Variants in LRRC41 observed in about 807,000 individuals in gnomAD.
The protein encoded by LRRC41 is leucine-rich repeat-containing protein 41.
In LRRC41, 17 loss-of-function variants were observed where a neutral mutation model predicts 72.1. That is an observed-to-expected ratio of 0.24 (90% CI 0.16 to 0.35). The LOEUF (loss-of-function observed/expected upper bound fraction) is 0.35, where lower values mean the gene tolerates loss of function less well. LRRC41 is among the 10% of genes least tolerant of loss of function. The pLI is 1.00. For synonymous variants in LRRC41, 427 were observed against 431.0 expected (o/e 0.99, Z 0.11); for missense variants, 759 against 1,065.0 (o/e 0.71, Z 4.00).
intron 3 of LRRC41, among the ~76,000 whole-genome samples, chr1:46,289,089 ATAGGT>A (rs1660946389): frequency 6.6e-6 from 1 of 152,328 alleles, no homozygotes; most frequent in African/African-American, 2.4e-5. Context: ...CAGGGGAAAT[ATAGGT>A]TAGATAGGTA....
At position 46,278,037 on chromosome 1, in the gene LRRC41, T is replaced by C. The variant is rs1180425764; in HGVS notation, c.*828A>G. 6.2e-7 allele frequency: 1 copy of C among 1,614,008 alleles called. No individual in the cohort carries two copies. Among genetic ancestry groups the C allele is most frequent in the Non-Finnish European group, 8.5e-7 (1 of 1,179,980 alleles). On this transcript the variant is annotated 3_prime_UTR_variant, in exon 10 of 10. Transcript: ENST00000617190. ...CTACCCACACAGTAGGGAGATGGGATCTGTAGTGACTTCAGCTGTGCCTTC... is the reference window on the plus strand; with the variant it reads ...CTACCCACACAGTAGGGAGATGGGACCTGTAGTGACTTCAGCTGTGCCTTC...
chr1:46,286,086 C>T lies in LRRC41; in HGVS notation c.771G>A (p.Gly257=). ...AGAGGCGGCAGGGTGGGCCACCAGG[C>T]CCTGGTTGCCAGAAGCCAGCACTCA... The part of the protein sequence containing the change: ...LTMSAGFWQP[G]PGGPPCRLCG... Residue 257 remains glycine (G), a synonymous_variant, in exon 4 of 10, where the codon GGG becomes GGA. Transcript: ENST00000617190. This position sits in a 1 kb window ranked among gnomAD's most constrained non-coding sequence, Gnocchi z 5.5. 1.2e-6 allele frequency: 2 copies of T among 1,611,310 alleles called. No individual in the cohort carries two copies. The highest frequency in any genetic ancestry group is 1.7e-5 in the Admixed American group (1 of 59,976).
intron 4 of LRRC41, among the ~76,000 whole-genome samples, chr1:46,283,428 G>A (rs775997188): frequency 2.6e-5 from 4 of 152,134 alleles, no homozygotes; most frequent in African/African-American, 4.8e-5. Flanking sequence ...AGACCAGCCC[G>A]GCCTATATGG....
At position 46,303,225 on chromosome 1, in the gene LRRC41, G is replaced by T; in HGVS notation, c.98C>A (p.Ala33Glu). The T allele has an allele frequency of 6.4e-7, 1 of 1,560,548 alleles. No homozygotes were observed. The change falls in exon 1 of 10, where the codon GCG becomes GAG. Residue 33 changes from alanine to glutamate, a missense_variant. By Grantham distance (107) the Ala-to-Glu change is moderately radical. Transcript: ENST00000617190. Reference sequence around the variant, plus strand: ...GTTGGGGCCCGAGGCCGAGCTCTTCGCTGGCGCCGCCTCCCGGGACGTGGC... The same window carrying T: ...GTTGGGGCCCGAGGCCGAGCTCTTCTCTGGCGCCGCCTCCCGGGACGTGGC... ...MEATSREAAP[A>E]KSSASGPNAP...
rs1660728546 is a variant in LRRC41 at position 46,279,667 on chromosome 1, CCCCTCCTGCCCCAG to C, written c.2021-67_2021-54del. On this transcript the variant is annotated intron_variant, in intron 7 of 9. Transcript: ENST00000617190. This position sits in a 1 kb window ranked among gnomAD's most constrained non-coding sequence, Gnocchi z 4.5. ...GATGGCTGCATTAGGACTGGTGCTG[CCCCTCCTGCCCCAG>C]TTGGCCCTAGCAAGGGGTATTAACA... The C allele has an allele frequency of 1.2e-6, 2 of 1,608,896 alleles. No individual in the cohort carries two copies. The highest frequency in any genetic ancestry group is 4.5e-5 in the East Asian group (2 of 44,834).
chr1:46,292,240 CAG>C (rs1026593579), intron 3 of LRRC41, among the ~76,000 whole-genome samples: 1 of 149,460 alleles, frequency 6.7e-6, no homozygotes, highest in African/African-American at 2.5e-5. Context: ...GCCTGGGTGA[CAG>C]AGAGAGACTC....
At chr1:46,280,135 A>C in intron 7 of LRRC41, 57 bp downstream of exon 7, 1 of 1,323,656 alleles carries the variant, frequency 7.6e-7, no homozygotes, top group East Asian at 2.3e-5. Context: ...CACTCAGATT[A>C]TGGCAGAACC....
rs1381089578 is a variant in LRRC41, at chr1:46,278,154, T to TGGAAC, written c.*706_*710dup. The TGGAAC allele has an allele frequency of 6.2e-7, 1 of 1,613,670 alleles. No homozygotes were observed. The highest frequency in any genetic ancestry group is 1.3e-5 in the African/African-American group (1 of 75,036). On this transcript the variant is annotated 3_prime_UTR_variant, in exon 10 of 10. Transcript: ENST00000617190. ...TGACTGCACTTCAGACCTGGCAGGG[T>TGGAAC]GGAACCACTGCACTGATAAGTGGGG...
chr1:46,292,035 CG>C (rs894868501), intron 3 of LRRC41, among the ~76,000 whole-genome samples: 8 of 151,850 alleles, frequency 5.3e-5, no homozygotes, highest in African/African-American at 1.9e-4. Flanking sequence ...TATTGCAGGC[CG>C]GCCACAGTGG....
Position 46,285,831 on chromosome 1 carries a change from C to T in LRRC41, c.1026G>A (p.Leu342=). The part of the protein sequence containing the change: ...TAGGTDLKRE[L]HPPATSHEAP... ...CCTCATGGGAGGTGGCTGGGGGGTG[C>T]AGCTCCCTCTTAAGGTCTGTTCCGC... is the stretch of plus-strand genomic sequence containing the variant. The change falls in exon 4 of 10, where the codon CTG becomes CTA. Residue 342 remains leucine, a synonymous_variant. Transcript: ENST00000617190. This position sits in a 1 kb window ranked among gnomAD's most constrained non-coding sequence, Gnocchi z 5.3. 1.9e-6 allele frequency: 3 copies of T among 1,593,614 alleles called. No homozygotes were observed. Among genetic ancestry groups the T allele is most frequent in the Non-Finnish European group, 2.6e-6 (3 of 1,171,406 alleles).
rs142320961 is a variant in LRRC41 at position 46,285,991 on chromosome 1, G to A, written c.866C>T (p.Pro289Leu). The A allele has an allele frequency of 5.5e-5, 85 of 1,548,598 alleles. No individual in the cohort carries two copies. The highest frequency in any genetic ancestry group is 1.7e-4 in the South Asian group (14 of 81,078). ...ACATCGCTCAGCAGCATCCCGGCGG[G>A]GCCGACGTGAGCCCAATAAGAGGGA... is the stretch of plus-strand genomic sequence containing the variant. ...EGSLLLGSRR[P>L]RRDAAERCAA... Residue 289 changes from proline to leucine, a missense_variant, in exon 4 of 10, where the codon CCC becomes CTC. Pro to Leu is a moderately conservative substitution (Grantham distance 98). Coordinates refer to ENST00000617190, the MANE Select transcript of LRRC41 (RefSeq NM_006369.5). The surrounding 1 kb of genome is among the most constrained non-coding windows in gnomAD (Gnocchi z 5.3).
rs1217426567 is a variant in LRRC41 at position 46,295,076 on chromosome 1, T to G, written c.357+2487A>C. On this transcript the variant is annotated intron_variant, in intron 3 of 9. Coordinates refer to ENST00000617190, the MANE Select transcript of LRRC41 (RefSeq NM_006369.5). ...GATCTTTTTTTATTTGTTAGTTTTT[T>G]GAGACAGGGTCTCTCTCCTGTTGCC... Among the ~76,000 whole-genome samples the G allele has an allele frequency of 2.0e-5, 3 of 152,270 alleles. No homozygotes were observed. The East Asian group carries it at 5.8e-4, about 29-fold the overall frequency.
chr1:46,302,147 G>A lies in LRRC41; in HGVS notation c.199+977C>T, dbSNP rs1569671362. 5.1e-6 allele frequency: 5 copies of A among 985,146 alleles called. No homozygotes were observed. In the Admixed American group the frequency reaches 3.1e-4, roughly 61 times the overall value. The allele number at this position is 985,146 out of a possible 1,614,324, so 61.0% of individuals were successfully genotyped here. On this transcript the variant is annotated intron_variant, in intron 1 of 9. Coordinates refer to ENST00000617190, the MANE Select transcript of LRRC41 (RefSeq NM_006369.5). The surrounding 1 kb of genome is among the most constrained non-coding windows in gnomAD (Gnocchi z 4.7). ...CCAGGCCGCCCTCCATCCAGGCCCG[G>A]CCCTTTGGTCCCGGCCGCCTTCAGG...
At chr1:46,297,219 GA>G (rs1162216003) in intron 3 of LRRC41, 1 of 200,834 alleles carries the variant, frequency 5.0e-6, no homozygotes, top group Non-Finnish European at 1.0e-5. Context: ...CATGCAATTG[GA>G]ACTTTTAAAA....
In LRRC41 at chr1:46,303,289, A is replaced by G. The variant is rs1193894117; in HGVS notation, c.34T>C (p.Cys12Arg). 6.5e-7 allele frequency: 1 copy of G among 1,540,780 alleles called. No homozygotes were observed. The highest frequency in any genetic ancestry group is 8.7e-7 in the Non-Finnish European group (1 of 1,144,068). The change falls in exon 1 of 10, where the codon TGC becomes CGC. Residue 12 changes from cysteine (C) to arginine (R), a missense_variant. Cys to Arg is a radical substitution (Grantham distance 180). Coordinates refer to ENST00000617190, the MANE Select transcript of LRRC41 (RefSeq NM_006369.5). ...AAPEAWRARS[C>R]WFCEVAAATT... The stretch of plus-strand genomic sequence containing the variant: ...GCCGCCGCTACCTCACAGAACCAGC[A>G]ACTCCGGGCGCGCCAGGCCTCGGGC...
chr1:46,293,937 A>C (rs1031353893), intron 3 of LRRC41, among the ~76,000 whole-genome samples: 68 of 150,892 alleles, frequency 4.5e-4, no homozygotes, highest in African/African-American at 1.6e-3. Context: ...ACCATGCCTG[A>C]TTTTCAGTAG....
chr1:46,288,178 T>C (rs1383980235), intron 3 of LRRC41, among the ~76,000 whole-genome samples: 1 of 152,170 alleles, frequency 6.6e-6, no homozygotes, highest in Non-Finnish European at 1.5e-5. Flanking sequence ...CTGATGTATA[T>C]CAGAGGTTAG....
intron 3 of LRRC41, chr1:46,296,647 C>T (rs1246893688): frequency 1.3e-5 from 2 of 152,114 alleles, no homozygotes; most frequent in African/African-American, 4.8e-5. Context: ...AATCTCAGGT[C>T]TAAAAGGAGC....
intron 3 of LRRC41, among the ~76,000 whole-genome samples, chr1:46,295,814 C>A (rs930374220): frequency 6.6e-6 from 1 of 152,206 alleles, no homozygotes; most frequent in Non-Finnish European, 1.5e-5. Context: ...TGCTTCTCTT[C>A]CTCATAAGGT....
Sources: gnomAD v4.1 joint callset for allele counts (sites outside exome capture counted in the v4.1 genomes callset) on GRCh38, gnomAD v4.1.1 for gene constraint, Gnocchi (gnomAD v3.1) non-coding constraint, MANE v1.5 for transcripts, NCBI Gene and HGNC (gene_info 2026-07-23, HGNC 2026-07-21) for gene names.